Variants in HCLS1 observed in about 807,000 individuals in gnomAD.
HCLS1 encodes the protein hematopoietic cell-specific Lyn substrate 1.
In HCLS1, 44 loss-of-function variants were observed where a neutral mutation model predicts 68.6. The ratio of observed to expected loss-of-function variants is 0.64; its 90% CI spans 0.50 to 0.82. The LOEUF (loss-of-function observed/expected upper bound fraction) is 0.82. HCLS1 is among the 40% of genes least tolerant of loss of function. The pLI is 0.00. For missense variants in HCLS1, 602 were observed against 612.1 expected (o/e 0.98, Z 0.17); for synonymous variants, 217 against 225.8 (o/e 0.96, Z 0.35).
chr3:121,634,124 T>C (rs935039544), intron 10 of HCLS1, 83 bp downstream of exon 10: 5 of 1,585,994 alleles, frequency 3.2e-6, no homozygotes, highest in Admixed American at 3.5e-5. Context: ...CTTTGCCTTA[T>C]TTTCTGCCAA....
intron 12 of HCLS1, 66 bp from the exon 13 acceptor site, chr3:121,632,250 CT>C: frequency 6.2e-7 from 1 of 1,603,152 alleles, no homozygotes; most frequent in Non-Finnish European, 8.5e-7. Context: ...AAAGATCCTA[CT>C]GGGGCAATAG....
At chr3:121,654,984 A>G (rs562117961) in intron 3 of HCLS1, among the ~76,000 whole-genome samples, 1 of 152,324 alleles carries the variant, frequency 6.6e-6, no homozygotes, top group African/African-American at 2.4e-5. Context: ...ATCAGAGAGG[A>G]AAAGGGACTT....
intron 13 of HCLS1, 40 bp downstream of exon 13, chr3:121,632,061 G>A (rs779824969): frequency 1.9e-6 from 3 of 1,612,902 alleles, no homozygotes; most frequent in South Asian, 2.2e-5. Flanking sequence ...TATATCAGGG[G>A]CCTCCATGTA....
intron 10 of HCLS1, 147 bp from the exon 11 acceptor site, chr3:121,633,318 C>T (rs902466433): frequency 6.9e-6 from 4 of 580,744 alleles, no homozygotes; most frequent in East Asian, 3.0e-5. Context: ...CAGGTTCAAG[C>T]GATTCTCCTG....
intron 3 of HCLS1, among the ~76,000 whole-genome samples, chr3:121,653,074 A>C (rs1937785881): frequency 6.6e-6 from 1 of 152,216 alleles, no homozygotes; most frequent in African/African-American, 2.4e-5. Context: ...ATAATGAGAT[A>C]TCTTGGGGAC....
intron 3 of HCLS1, chr3:121,656,923 G>C (rs1481769480): frequency 1.6e-5 from 3 of 189,758 alleles, no homozygotes; most frequent in African/African-American, 7.0e-5. Flanking sequence ...ATGATTGCCA[G>C]GTAGATAGAT....
chr3:121,653,317 G>A (rs1191495115), intron 3 of HCLS1, among the ~76,000 whole-genome samples: 1 of 152,140 alleles, frequency 6.6e-6, no homozygotes, highest in African/African-American at 2.4e-5. Flanking sequence ...GAACATTTTA[G>A]ATTTTGAATT....
chr3:121,660,106 C>A (rs755138778), intron 1 of HCLS1, among the ~76,000 whole-genome samples: 1 of 152,194 alleles, frequency 6.6e-6, no homozygotes, highest in Non-Finnish European at 1.5e-5. Context: ...GTCACCCCAG[C>A]TCTGTGACTA....
chr3:121,642,782 A>T (rs377752378), intron 6 of HCLS1, 145 bp downstream of exon 6: 8 of 706,116 alleles, frequency 1.1e-5, no homozygotes, highest in African/African-American at 7.0e-5. Flanking sequence ...TCTCAAAAAC[A>T]AACAAATGAA....
intron 7 of HCLS1, 124 bp downstream of exon 7, chr3:121,637,022 C>G (rs1481896252): frequency 2.9e-6 from 2 of 689,988 alleles, no homozygotes; most frequent in Admixed American, 4.3e-5. Flanking sequence ...TGCTTACTGC[C>G]CTGGCACCCC....
At chr3:121,657,210 A>T in intron 3 of HCLS1, 69 bp downstream of exon 3, 1 of 1,340,908 alleles carries the variant, frequency 7.5e-7, no homozygotes, top group Admixed American at 1.9e-5. Context: ...ACCTTCCCCC[A>T]AGTCTCCGAG....
intron 12 of HCLS1, 52 bp downstream of exon 12, chr3:121,632,280 T>C: frequency 6.2e-7 from 1 of 1,605,238 alleles, no homozygotes; most frequent in Non-Finnish European, 8.5e-7. Context: ...TTCTTCCTCT[T>C]ACCCTCCCCT....
At chr3:121,638,197 G>T (rs2049167166) in intron 6 of HCLS1, among the ~76,000 whole-genome samples, 1 of 151,944 alleles carries the variant, frequency 6.6e-6, no homozygotes, top group South Asian at 2.1e-4. Context: ...GAGTAACTGG[G>T]ACCACAGGCA....
intron 6 of HCLS1, among the ~76,000 whole-genome samples, chr3:121,639,938 T>A (rs2049181820): frequency 6.6e-6 from 1 of 152,154 alleles, no homozygotes; most frequent in Non-Finnish European, 1.5e-5. Flanking sequence ...ATACATTTTT[T>A]AAAACAAGTA....
At chr3:121,651,423 G>T (rs1937745682) in intron 3 of HCLS1, among the ~76,000 whole-genome samples, 1 of 152,128 alleles carries the variant, frequency 6.6e-6, no homozygotes, top group Non-Finnish European at 1.5e-5. Context: ...TGGTTTTGTT[G>T]TTGTTGTTGT....
intron 3 of HCLS1, 105 bp downstream of exon 3, chr3:121,657,174 G>T: frequency 2.3e-6 from 2 of 873,638 alleles, no homozygotes; most frequent in South Asian, 1.5e-5. Flanking sequence ...ACATAGACAT[G>T]AACTACCCTA....
chr3:121,638,913 G>A (rs2049173331), intron 6 of HCLS1, among the ~76,000 whole-genome samples: 1 of 151,970 alleles, frequency 6.6e-6, no homozygotes, highest in African/African-American at 2.4e-5. Flanking sequence ...ACCAGGTGTG[G>A]TGAATGCCTG....
At chr3:121,658,219 A>G (rs752903669) in intron 2 of HCLS1, 45 bp downstream of exon 2, 2 of 1,393,152 alleles carry the variant, frequency 1.4e-6, no homozygotes, top group South Asian at 1.2e-5. Context: ...TGCCCTCCTC[A>G]CCCCACCCTC....
intron 6 of HCLS1, among the ~76,000 whole-genome samples, chr3:121,637,659 G>A (rs1318000434): frequency 1.3e-5 from 2 of 152,098 alleles, no homozygotes; most frequent in African/African-American, 2.4e-5. Flanking sequence ...AGCTCAGGCC[G>A]AGCACGGTGC....
Sources: allele counts gnomAD v4.1 joint callset (sites outside exome capture counted in the v4.1 genomes callset), GRCh38; gene constraint gnomAD v4.1.1; transcripts MANE v1.5; gene names NCBI Gene and HGNC (gene_info 2026-07-23, HGNC 2026-07-21).